The following ZNF91 variants were observed in gnomAD, a reference collection of about 807,000 sequenced individuals.
The protein encoded by ZNF91 is zinc finger protein 91, also known as zinc finger protein 91 (HPF7, HTF10).
Under a neutral mutation model 12.6 loss-of-function variants are expected in ZNF91, and 7 were observed. That is an observed-to-expected ratio of 0.55 (90% CI 0.31 to 1.04). The LOEUF (loss-of-function observed/expected upper bound fraction) is 1.04. Among genes scored for constraint, ZNF91 ranks in the 50% least tolerant of loss-of-function variants. The pLI, the probability that ZNF91 is intolerant of heterozygous loss-of-function variation, is 0.05. For synonymous variants in ZNF91, 453 were observed against 462.6 expected (o/e 0.98, Z 0.27); for missense variants, 1,217 against 1,385.4 (o/e 0.88, Z 1.93).
intron 3 of ZNF91, among the ~76,000 whole-genome samples, chr19:23,365,396 A>T (rs1411652016): frequency 6.6e-6 from 1 of 152,092 alleles, no homozygotes; most frequent in Non-Finnish European, 1.5e-5. Flanking sequence ...ACTAGAAACC[A>T]GGAGTTTCAG....
At chr19:23,350,696 T>A (rs978982368) in intron 3 of ZNF91, among the ~76,000 whole-genome samples, 2 of 152,136 alleles carry the variant, frequency 1.3e-5, no homozygotes, top group Admixed American at 1.3e-4. Context: ...CAAGGCCACT[T>A]GTCCAAGTAG....
rs539084954 is a variant in ZNF91, at chr19:23,363,276, C to A, written c.254-551G>T. On this transcript the variant is annotated intron_variant, in intron 3 of 3. Coordinates refer to ENST00000300619, the MANE Select transcript of ZNF91 (RefSeq NM_003430.4). Reference sequence around the variant, plus strand: ...CATTTTTATTTACAGCTTTTAGGGGCTTTTCCTGACACTGATTTCCCTCTC... The same window carrying A: ...CATTTTTATTTACAGCTTTTAGGGGATTTTCCTGACACTGATTTCCCTCTC... Among the ~76,000 whole-genome samples, 278 of 152,192 alleles carry A rather than the reference C, an allele frequency of 1.8e-3. 3 individuals carry two copies. Among genetic ancestry groups the A allele is most frequent in the African/African-American group, 6.6e-3 (273 of 41,534 alleles).
chr19:23,362,145 G>T lies in ZNF91; in HGVS notation c.834C>A (p.Ser278=). 1.2e-6 allele frequency: 2 copies of T among 1,613,162 alleles called. No individual in the cohort carries two copies. Among genetic ancestry groups the T allele is most frequent in the Non-Finnish European group, 1.7e-6 (2 of 1,179,732 alleles). The part of the protein sequence containing the change: ...CEECGKAFLW[S]STLTRHKRIH... ...TCCTCTTATGTCTAGTTAGGGTTGA[G>T]GACCATAGAAATGCTTTGCCACATT... Residue 278 remains serine, a synonymous_variant, in exon 4 of 4, where the codon TCC becomes TCA. Coordinates refer to ENST00000300619, the MANE Select transcript of ZNF91 (RefSeq NM_003430.4).
intron 3 of ZNF91, among the ~76,000 whole-genome samples, chr19:23,306,622 C>T (rs772943855): frequency 6.6e-6 from 1 of 152,088 alleles, no homozygotes; most frequent in Admixed American, 6.5e-5. Flanking sequence ...GTCTAACACC[C>T]GAGTTATATA....
chr19:23,357,145 T>G (rs1051149767), downstream of ZNF91, among the ~76,000 whole-genome samples: 1 of 152,168 alleles, frequency 6.6e-6, no homozygotes, highest in African/African-American at 2.4e-5. Context: ...GAGAACTGCT[T>G]GAACCTGAAA....
chr19:23,319,457 G>A (rs1967638652), intron 1 of ZNF91, among the ~76,000 whole-genome samples: 1 of 152,238 alleles, frequency 6.6e-6, no homozygotes, highest in Non-Finnish European at 1.5e-5. Flanking sequence ...TATGTGATGT[G>A]ACTGTCCTTT....
chr19:23,342,958 T>C (rs1968154186), intron 3 of ZNF91, among the ~76,000 whole-genome samples: 1 of 152,228 alleles, frequency 6.6e-6, no homozygotes, highest in African/African-American at 2.4e-5. Context: ...TTAATTTTAC[T>C]CTAGGTGTTT....
chr19:23,345,173 A>G (rs1197187579), intron 3 of ZNF91, among the ~76,000 whole-genome samples: 1 of 152,164 alleles, frequency 6.6e-6, no homozygotes, highest in African/African-American at 2.4e-5. Flanking sequence ...CAGTGGTGAC[A>G]ATCGCTCCTT....
At chr19:23,389,515 G>C (rs1449683029) in intron 1 of ZNF91, among the ~76,000 whole-genome samples, 3 of 152,208 alleles carry the variant, frequency 2.0e-5, no homozygotes, top group African/African-American at 4.8e-5. Context: ...ATGTTAGTGA[G>C]TGGGTGAAAA....
At chr19:23,339,939 T>A (rs1968087960) in intron 3 of ZNF91, 1 of 108,576 alleles carries the variant, frequency 9.2e-6, no homozygotes, top group South Asian at 2.8e-4. Context: ...GTAAAACCTA[T>A]CTCAAAAAAA....
chr19:23,362,034 A>C lies in ZNF91; in HGVS notation c.945T>G (p.Ile315Met), dbSNP rs368770097. 2.5e-6 allele frequency: 4 copies of C among 1,612,734 alleles called. No individual in the cohort carries two copies. The African/African-American group carries it at 5.4e-5, about 22-fold the overall frequency. ...ATTTGTAGGGTTTCTCTCCAGTATG[A>C]ATTCTCTTATGTTTAGCAAGGGTTG... ...HSSTLAKHKR[I>M]HTGEKPYKCE... Residue 315 changes from isoleucine (I) to methionine (M), a missense_variant, in exon 4 of 4, where the codon ATT becomes ATG. Ile to Met is a conservative substitution (Grantham distance 10). This residue lies in a region of ZNF91 where 726 missense variants were observed against 895.5 expected (regional missense o/e 0.81). Transcript: ENST00000300619.
chr19:23,376,206 G>A (rs1179683746), intron 1 of ZNF91, among the ~76,000 whole-genome samples: 2 of 152,030 alleles, frequency 1.3e-5, no homozygotes. Context: ...TTTCTCCATA[G>A]AAATAGATTA....
intron 3 of ZNF91, among the ~76,000 whole-genome samples, chr19:23,341,296 G>A (rs1388220399): frequency 3.9e-5 from 6 of 152,068 alleles, no homozygotes; most frequent in Non-Finnish European, 7.4e-5. Flanking sequence ...TGACCTGCCC[G>A]CCTCTACCTC....
At chr19:23,320,087 C>T (rs1309450117) in intron 1 of ZNF91, among the ~76,000 whole-genome samples, 1 of 152,192 alleles carries the variant, frequency 6.6e-6, no homozygotes, top group Non-Finnish European at 1.5e-5. Context: ...CATCCTCACA[C>T]ATGGACACAA....
At chr19:23,347,069 T>A (rs1282428605) in intron 3 of ZNF91, among the ~76,000 whole-genome samples, 1 of 151,764 alleles carries the variant, frequency 6.6e-6, no homozygotes, top group African/African-American at 2.4e-5. Context: ...TGGCAGCTCC[T>A]TCCTACATCA....
intron 1 of ZNF91, among the ~76,000 whole-genome samples, chr19:23,394,729 AAAAACAAAAC>A (rs905720306): frequency 4.6e-5 from 7 of 152,180 alleles, no homozygotes; most frequent in African/African-American, 1.7e-4. Context: ...CTCCTTTTCA[AAAAACAAAAC>A]AAAACAAAAC....
downstream of ZNF91, among the ~76,000 whole-genome samples, chr19:23,356,649 T>C (rs923929867): frequency 6.6e-6 from 1 of 152,204 alleles, no homozygotes; most frequent in Non-Finnish European, 1.5e-5. Context: ...GCTTGGGTGA[T>C]GGATGCACCA....
chr19:23,364,400 G>A (rs1054645226), intron 3 of ZNF91, among the ~76,000 whole-genome samples: 4 of 152,050 alleles, frequency 2.6e-5, no homozygotes, highest in South Asian at 2.1e-4. Flanking sequence ...AGCCGAGATC[G>A]CGCCATTGCA....
chr19:23,351,975 A>T (rs1968378833), intron 3 of ZNF91, among the ~76,000 whole-genome samples: 1 of 152,164 alleles, frequency 6.6e-6, no homozygotes, highest in South Asian at 2.1e-4. Context: ...AGGGTGTAAA[A>T]CACTGAAGGG....
Sources: allele counts gnomAD v4.1 joint callset (sites outside exome capture counted in the v4.1 genomes callset), GRCh38; gene constraint gnomAD v4.1.1; regional missense constraint gnomAD v4.1.1; transcripts MANE v1.5; gene names NCBI Gene and HGNC (gene_info 2026-07-23, HGNC 2026-07-21).